Variants in RALGAPA1 observed in about 807,000 individuals in gnomAD.
The protein encoded by RALGAPA1 is Ral GTPase activating protein catalytic subunit alpha 1, also known as ral GTPase-activating protein subunit alpha-1.
RALGAPA1 carries 52 observed loss-of-function variants against 269.6 expected under a neutral mutation model. That is an observed-to-expected ratio of 0.19 (90% confidence interval 0.15 to 0.24). RALGAPA1 has a LOEUF of 0.24. RALGAPA1 is among the 10% of genes least tolerant of loss of function. RALGAPA1 has a pLI of 1.00. For synonymous variants in RALGAPA1, 817 were observed against 1,008.3 expected (o/e 0.81, Z 3.60); for missense variants, 1,917 against 3,013.9 (o/e 0.64, Z 8.52).
At chr14:35,704,628 T>C (rs1453324318) in intron 16 of RALGAPA1, among the ~76,000 whole-genome samples, 2 of 152,154 alleles carry the variant, frequency 1.3e-5, no homozygotes, top group Non-Finnish European at 2.9e-5. Flanking sequence ...AATTTCAACA[T>C]AGACTATACT....
intron 32 of RALGAPA1, among the ~76,000 whole-genome samples, 197 bp downstream of exon 32, chr14:35,635,267 C>T (rs1284094759): frequency 6.6e-6 from 1 of 152,034 alleles, no homozygotes; most frequent in Admixed American, 6.6e-5. Flanking sequence ...GATCTAATTC[C>T]TCTCAAAATT....
At chr14:35,760,790 GC>G (rs775350810) in intron 6 of RALGAPA1, 38 bp downstream of exon 6, 67 of 1,508,738 alleles carry the variant, frequency 4.4e-5, no homozygotes, top group Non-Finnish European at 6.0e-5. Flanking sequence ...TACATAGAGA[GC>G]TTAAACCTAC....
intron 39 of RALGAPA1, among the ~76,000 whole-genome samples, chr14:35,554,178 A>T (rs2055310714): frequency 6.6e-6 from 1 of 152,040 alleles, no homozygotes; most frequent in South Asian, 2.1e-4. Flanking sequence ...GATTAGAGTA[A>T]ATTATTCAAT....
intron 10 of RALGAPA1, chr14:35,748,259 T>A (rs905196429): frequency 6.4e-6 from 1 of 155,302 alleles, no homozygotes; most frequent in East Asian, 2.0e-4. Context: ...GTTTAATAAT[T>A]ACTTAGTTTA....
chr14:35,581,465 G>A (rs973168607), intron 37 of RALGAPA1, among the ~76,000 whole-genome samples: 1 of 152,142 alleles, frequency 6.6e-6, no homozygotes, highest in African/African-American at 2.4e-5. Flanking sequence ...GCAGTATCAG[G>A]ACGTATATGA....
intron 39 of RALGAPA1, among the ~76,000 whole-genome samples, chr14:35,560,272 G>A (rs145979891): frequency 2.0e-5 from 3 of 152,212 alleles, no homozygotes; most frequent in African/African-American, 7.2e-5. Context: ...GTATTATCTG[G>A]TTTTGACCTA....
chr14:35,714,878 G>A (rs1027048281), intron 16 of RALGAPA1, among the ~76,000 whole-genome samples: 1 of 152,122 alleles, frequency 6.6e-6, no homozygotes, highest in Non-Finnish European at 1.5e-5. Flanking sequence ...TATAATGATA[G>A]TTATTTTTCC....
At chr14:35,569,048 C>T (rs1401668037) in intron 39 of RALGAPA1, among the ~76,000 whole-genome samples, 1 of 152,138 alleles carries the variant, frequency 6.6e-6, no homozygotes, top group East Asian at 1.9e-4. Context: ...AGAAATACTA[C>T]AGAAATGTCA....
intron 17 of RALGAPA1, among the ~76,000 whole-genome samples, chr14:35,692,714 G>C (rs1483601495): frequency 1.3e-5 from 2 of 151,582 alleles, no homozygotes; most frequent in East Asian, 3.9e-4. Flanking sequence ...TAAAATCAAA[G>C]AAGAAAATAA....
chr14:35,636,789 C>T (rs2061690230), intron 31 of RALGAPA1, among the ~76,000 whole-genome samples: 2 of 152,120 alleles, frequency 1.3e-5, no homozygotes, highest in Admixed American at 1.3e-4. Context: ...TCAAAGTGCT[C>T]AGATTACAGG....
intron 3 of RALGAPA1, among the ~76,000 whole-genome samples, chr14:35,772,923 G>A (rs1371412328): frequency 6.6e-6 from 1 of 151,942 alleles, no homozygotes; most frequent in African/African-American, 2.4e-5. Flanking sequence ...CATATGAAAG[G>A]ATGATAAAGA....
intron 1 of RALGAPA1, among the ~76,000 whole-genome samples, chr14:35,785,697 T>C (rs1595549684): frequency 6.6e-6 from 1 of 152,160 alleles, no homozygotes; most frequent in East Asian, 1.9e-4. Flanking sequence ...CCAGGATTGG[T>C]CTACACCCCA....
In RALGAPA1 at chr14:35,598,326, T is replaced by A. The variant is rs537160663; in HGVS notation, c.7054-2537A>T. The stretch of plus-strand genomic sequence containing the variant: ...GTTGATCTGATATTAATGCAGTCAC[T>A]CTGGCTTTTCTTTGATTGATGTTTG... On this transcript the variant is annotated intron_variant, in intron 36 of 41. Coordinates refer to ENST00000680220, the MANE Select transcript of RALGAPA1 (RefSeq NM_001346249.2). Among the ~76,000 whole-genome samples, 367 of 152,182 alleles carry A rather than the reference T, an allele frequency of 2.4e-3. 2 individuals carry two copies. Among genetic ancestry groups the A allele is most frequent in the Non-Finnish European group, 4.3e-3 (291 of 68,000 alleles).
At chr14:35,758,020 G>A (rs1337662925) in intron 6 of RALGAPA1, among the ~76,000 whole-genome samples, 6 of 152,210 alleles carry the variant, frequency 3.9e-5, no homozygotes, top group South Asian at 2.1e-4. Context: ...AGGCCGAGGC[G>A]AGTGGATCAT....
At chr14:35,708,894 G>A (rs186351278) in intron 16 of RALGAPA1, among the ~76,000 whole-genome samples, 4 of 152,200 alleles carry the variant, frequency 2.6e-5, no homozygotes, top group East Asian at 1.9e-4. Context: ...GTATATATAC[G>A]CAATGAAGTA....
At chr14:35,783,613 T>C (rs536605623) in intron 1 of RALGAPA1, among the ~76,000 whole-genome samples, 1 of 152,210 alleles carries the variant, frequency 6.6e-6, no homozygotes, top group South Asian at 2.1e-4. Context: ...GAGGACACTA[T>C]CAAGAAAATG....
At chr14:35,715,725 C>T (rs1452193627) in intron 16 of RALGAPA1, 23 of 985,252 alleles carry the variant, frequency 2.3e-5, no homozygotes, top group Non-Finnish European at 2.5e-5. Context: ...AACTTGTATC[C>T]TTCTCAAGAT....
At chr14:35,673,690 C>T (rs540085307) in intron 24 of RALGAPA1, among the ~76,000 whole-genome samples, 15 of 152,260 alleles carry the variant, frequency 9.9e-5, no homozygotes, top group African/African-American at 3.6e-4. Context: ...AAGCGATTCT[C>T]CTGCCTCAGC....
intron 1 of RALGAPA1, among the ~76,000 whole-genome samples, chr14:35,780,962 A>T (rs1211905375): frequency 6.6e-6 from 1 of 152,148 alleles, no homozygotes; most frequent in Non-Finnish European, 1.5e-5. Context: ...GTGGTCATAC[A>T]TATATACGAA....
Sources: allele counts gnomAD v4.1 joint callset (sites outside exome capture counted in the v4.1 genomes callset), GRCh38; gene constraint gnomAD v4.1.1; transcripts MANE v1.5; gene names NCBI Gene and HGNC (gene_info 2026-07-23, HGNC 2026-07-21).